The following NXPH1 variants were observed in gnomAD, a reference collection of about 807,000 sequenced individuals.
NXPH1 encodes the protein neurexophilin 1.
In NXPH1, 5 loss-of-function variants were observed where a neutral mutation model predicts 23.7. The ratio of observed to expected loss-of-function variants is 0.21; its 90% CI spans 0.11 to 0.44. The LOEUF (loss-of-function observed/expected upper bound fraction) is 0.44, where lower values mean the gene tolerates loss of function less well. NXPH1 is among the 20% of genes least tolerant of loss of function. NXPH1 has a pLI of 0.99. For synonymous variants in NXPH1, 144 were observed against 122.2 expected (o/e 1.18, Z -1.18); for missense variants, 324 against 321.6 (o/e 1.01, Z -0.06).
intron 2 of NXPH1, among the ~76,000 whole-genome samples, chr7:8,718,658 C>T (rs566629189): frequency 1.9e-4 from 29 of 152,200 alleles, no homozygotes; most frequent in South Asian, 8.3e-4. Flanking sequence ...AATCCTTTTC[C>T]GAATCTTCCT....
intron 2 of NXPH1, among the ~76,000 whole-genome samples, chr7:8,741,354 T>G (rs1780357302): frequency 6.6e-6 from 1 of 152,202 alleles, no homozygotes; most frequent in Non-Finnish European, 1.5e-5. Flanking sequence ...AATGCTGCAA[T>G]GAATATAAAA....
intron 2 of NXPH1, among the ~76,000 whole-genome samples, chr7:8,448,725 G>T (rs1345814359): frequency 1.3e-5 from 2 of 150,168 alleles, no homozygotes; most frequent in African/African-American, 4.9e-5. Context: ...TGAGGCAAGA[G>T]AATTGCTTGA....
chr7:8,666,608 T>C (rs530834670), intron 2 of NXPH1, among the ~76,000 whole-genome samples: 367 of 152,210 alleles, frequency 2.4e-3, no homozygotes, highest in Non-Finnish European at 3.9e-3. Context: ...AAAACATTGG[T>C]ATAAATTATT....
chr7:8,538,383 A>C (rs539495907), intron 2 of NXPH1, among the ~76,000 whole-genome samples: 1 of 152,024 alleles, frequency 6.6e-6, no homozygotes, highest in East Asian at 1.9e-4. Context: ...TGAAATAGTT[A>C]TGAACATACC....
intron 2 of NXPH1, among the ~76,000 whole-genome samples, chr7:8,465,897 A>G (rs1348374895): frequency 3.3e-5 from 5 of 152,184 alleles, no homozygotes; most frequent in African/African-American, 1.2e-4. Context: ...CACAGCCTTG[A>G]AAAGCAAAGA....
chr7:8,526,250 CT>C (rs1414405232), intron 2 of NXPH1, among the ~76,000 whole-genome samples: 1 of 152,200 alleles, frequency 6.6e-6, no homozygotes, highest in Non-Finnish European at 1.5e-5. Context: ...CCTGTAATCC[CT>C]TTGTTTTGTC....
At chr7:8,681,866 G>A (rs899951549) in intron 2 of NXPH1, among the ~76,000 whole-genome samples, 3 of 152,210 alleles carry the variant, frequency 2.0e-5, no homozygotes, top group African/African-American at 7.2e-5. Context: ...GGAGGTTGTA[G>A]AAACTTGTCC....
intron 2 of NXPH1, among the ~76,000 whole-genome samples, chr7:8,444,144 T>C (rs574006731): frequency 3.3e-5 from 5 of 152,360 alleles, no homozygotes; most frequent in Admixed American, 1.3e-4. Context: ...TCTCTTGCCT[T>C]AGCATAGGAG....
chr7:8,447,449 G>A (rs1816425264), intron 2 of NXPH1, among the ~76,000 whole-genome samples: 1 of 152,226 alleles, frequency 6.6e-6, no homozygotes, highest in Admixed American at 6.5e-5. Context: ...ACATGGCAGA[G>A]TTTTTGCGTC....
chr7:8,569,805 A>G (rs1818612611), intron 2 of NXPH1, among the ~76,000 whole-genome samples: 1 of 151,904 alleles, frequency 6.6e-6, no homozygotes, highest in Non-Finnish European at 1.5e-5. Context: ...CACACTACTC[A>G]ACACTGAAGG....
intron 2 of NXPH1, among the ~76,000 whole-genome samples, chr7:8,744,113 A>G (rs918117652): frequency 1.3e-5 from 2 of 152,166 alleles, no homozygotes; most frequent in African/African-American, 4.8e-5. Flanking sequence ...TCTTTGTTTA[A>G]TGTTGAAGAA....
At chr7:8,642,089 A>C (rs1583210999) in intron 2 of NXPH1, among the ~76,000 whole-genome samples, 1 of 152,220 alleles carries the variant, frequency 6.6e-6, no homozygotes, top group South Asian at 2.1e-4. Flanking sequence ...ACTTCTGTTC[A>C]CTGGAATTTA....
intron 2 of NXPH1, among the ~76,000 whole-genome samples, chr7:8,602,817 A>G (rs1819389689): frequency 6.6e-6 from 1 of 152,068 alleles, no homozygotes; most frequent in South Asian, 2.1e-4. Flanking sequence ...TACAAACTCA[A>G]CAATAGTGGA....
intron 2 of NXPH1, among the ~76,000 whole-genome samples, chr7:8,449,412 T>C (rs1240564451): frequency 6.6e-6 from 1 of 152,202 alleles, no homozygotes; most frequent in Non-Finnish European, 1.5e-5. Flanking sequence ...CATATTTCTG[T>C]TTATATTTTG....
At chr7:8,705,665 A>G (rs1779691893) in intron 2 of NXPH1, among the ~76,000 whole-genome samples, 1 of 152,138 alleles carries the variant, frequency 6.6e-6, no homozygotes. Flanking sequence ...AAGCAAATCA[A>G]CGTAGCCCTT....
At chr7:8,731,246 AT>A (rs976921098) in intron 2 of NXPH1, among the ~76,000 whole-genome samples, 6 of 151,514 alleles carry the variant, frequency 4.0e-5, no homozygotes, top group African/African-American at 1.2e-4. Context: ...ATTCTTCTAA[AT>A]TTTTTTCGAA....
At chr7:8,589,264 A>T (rs1819041963) in intron 2 of NXPH1, among the ~76,000 whole-genome samples, 1 of 152,144 alleles carries the variant, frequency 6.6e-6, no homozygotes, top group African/African-American at 2.4e-5. Flanking sequence ...AGAGAATTAG[A>T]GGTGGAGCTG....
At chr7:8,588,889 G>A (rs1352781684) in intron 2 of NXPH1, among the ~76,000 whole-genome samples, 1 of 152,078 alleles carries the variant, frequency 6.6e-6, no homozygotes, top group African/African-American at 2.4e-5. Flanking sequence ...TACAATTAAG[G>A]AAATAAGGTT....
chr7:8,740,891 T>TTG (rs1473808632), intron 2 of NXPH1, among the ~76,000 whole-genome samples: 1 of 152,070 alleles, frequency 6.6e-6, no homozygotes, highest in Non-Finnish European at 1.5e-5. Context: ...AGTTACCATT[T>TTG]TGTGTGTGTG....
Sources: allele counts gnomAD v4.1 joint callset (sites outside exome capture counted in the v4.1 genomes callset), GRCh38; gene constraint gnomAD v4.1.1; transcripts MANE v1.5; gene names NCBI Gene and HGNC (gene_info 2026-07-23, HGNC 2026-07-21).